LHFPL3: variants seen among roughly 807,000 people sequenced by gnomAD.
The protein encoded by LHFPL3 is LHFPL tetraspan subfamily member 3 protein.
Under a neutral mutation model 19.3 loss-of-function variants are expected in LHFPL3, and 5 were observed. The observed-to-expected ratio is 0.26, with a 90% confidence interval of 0.14 to 0.54. The LOEUF (loss-of-function observed/expected upper bound fraction) is 0.54. Among genes scored for constraint, LHFPL3 ranks in the 20% least tolerant of loss-of-function variants. The pLI is 0.94. For synonymous variants in LHFPL3, 133 were observed against 126.2 expected (o/e 1.05, Z -0.36); for missense variants, 249 against 307.4 (o/e 0.81, Z 1.42).
At chr7:104,552,265 A>C (rs1257154518) in intron 1 of LHFPL3, among the ~76,000 whole-genome samples, 2 of 152,220 alleles carry the variant, frequency 1.3e-5, no homozygotes, top group Non-Finnish European at 2.9e-5. Context: ...ACTGGTAGCA[A>C]GACCAACGCC....
intron 1 of LHFPL3, among the ~76,000 whole-genome samples, chr7:104,730,233 G>A (rs1285482881): frequency 6.6e-6 from 1 of 152,188 alleles, no homozygotes; most frequent in Non-Finnish European, 1.5e-5. Flanking sequence ...ATAGCAGCAT[G>A]ATTTATATTC....
intron 1 of LHFPL3, among the ~76,000 whole-genome samples, chr7:104,587,781 G>C (rs1216576695): frequency 6.6e-6 from 1 of 151,984 alleles, no homozygotes; most frequent in Non-Finnish European, 1.5e-5. Context: ...TCCAGCACCT[G>C]TTGTTTCCTG....
At chr7:104,758,418 C>T (rs1434781079) in intron 2 of LHFPL3, among the ~76,000 whole-genome samples, 1 of 151,958 alleles carries the variant, frequency 6.6e-6, no homozygotes, top group Non-Finnish European at 1.5e-5. Flanking sequence ...ACATGAAAAT[C>T]AATAAAACAT....
intron 1 of LHFPL3, among the ~76,000 whole-genome samples, chr7:104,412,093 C>A (rs188600906): frequency 6.7e-4 from 101 of 151,580 alleles, no homozygotes; most frequent in Non-Finnish European, 5.9e-4. Context: ...ACCAGCAAGT[C>A]ATTAATGTGG....
chr7:104,374,800 CTT>C (rs1301409624), intron 1 of LHFPL3, among the ~76,000 whole-genome samples: 1 of 152,068 alleles, frequency 6.6e-6, no homozygotes, highest in Non-Finnish European at 1.5e-5. Flanking sequence ...AGAGTGTAAG[CTT>C]TTTAGGGCAG....
intron 1 of LHFPL3, among the ~76,000 whole-genome samples, chr7:104,488,238 A>G (rs2115681731): frequency 6.6e-6 from 1 of 152,306 alleles, no homozygotes. Context: ...GGCAACACTT[A>G]CAAATATTTT....
intron 1 of LHFPL3, among the ~76,000 whole-genome samples, chr7:104,330,770 T>A (rs564045384): frequency 2.0e-5 from 3 of 152,232 alleles, no homozygotes; most frequent in South Asian, 4.2e-4. Flanking sequence ...TGTTTTTATA[T>A]ATAAAGTTAA....
At chr7:104,378,832 G>C (rs1228126259) in intron 1 of LHFPL3, among the ~76,000 whole-genome samples, 1 of 152,122 alleles carries the variant, frequency 6.6e-6, no homozygotes, top group Non-Finnish European at 1.5e-5. Flanking sequence ...TTTTGTAAGA[G>C]TTATGCATAA....
At chr7:104,509,457 T>C (rs1793767907) in intron 1 of LHFPL3, among the ~76,000 whole-genome samples, 1 of 151,926 alleles carries the variant, frequency 6.6e-6, no homozygotes, top group Admixed American at 6.6e-5. Context: ...TAATCCACCA[T>C]ATTCACAGGC....
intron 1 of LHFPL3, among the ~76,000 whole-genome samples, chr7:104,540,855 T>C (rs1794472573): frequency 6.6e-6 from 1 of 152,176 alleles, no homozygotes; most frequent in Non-Finnish European, 1.5e-5. Context: ...TTGATTATTC[T>C]ACTTCTGTCC....
chr7:104,607,502 T>C (rs138986055), intron 1 of LHFPL3, among the ~76,000 whole-genome samples: 134 of 152,310 alleles, frequency 8.8e-4, no homozygotes, highest in African/African-American at 3.1e-3. Context: ...AAGCCCCTTG[T>C]TTAATATTTC....
chr7:104,484,246 A>G (rs1406809304), intron 1 of LHFPL3, among the ~76,000 whole-genome samples: 1 of 152,158 alleles, frequency 6.6e-6, no homozygotes, highest in African/African-American at 2.4e-5. Context: ...CAAAAGATTA[A>G]GGGAAGCAGG....
intron 1 of LHFPL3, among the ~76,000 whole-genome samples, chr7:104,382,307 G>C (rs1311560492): frequency 1.3e-5 from 2 of 152,164 alleles, no homozygotes; most frequent in Admixed American, 1.3e-4. Flanking sequence ...GACCAACATG[G>C]AGAAACCCCG....
At chr7:104,608,676 G>T (rs994596603) in intron 1 of LHFPL3, among the ~76,000 whole-genome samples, 1 of 152,052 alleles carries the variant, frequency 6.6e-6, no homozygotes, top group Non-Finnish European at 1.5e-5. Flanking sequence ...AGAAAAAGGG[G>T]TGCCAAGCCT....
intron 1 of LHFPL3, among the ~76,000 whole-genome samples, chr7:104,355,467 A>G (rs565110189): frequency 6.6e-6 from 1 of 152,212 alleles, no homozygotes; most frequent in African/African-American, 2.4e-5. Flanking sequence ...CTACAGCCAG[A>G]GTAACTTGAA....
intron 2 of LHFPL3, among the ~76,000 whole-genome samples, chr7:104,769,696 G>A (rs1327499706): frequency 6.6e-6 from 1 of 151,254 alleles, no homozygotes; most frequent in Non-Finnish European, 1.5e-5. Context: ...ACTTATGAGT[G>A]AGAACATGCG....
At chr7:104,598,356 C>A (rs1288816632) in intron 1 of LHFPL3, among the ~76,000 whole-genome samples, 1 of 152,144 alleles carries the variant, frequency 6.6e-6, no homozygotes, top group Non-Finnish European at 1.5e-5. Context: ...GCTTTTAATG[C>A]AAATTTTAAA....
At chr7:104,352,616 A>G (rs1291405967) in intron 1 of LHFPL3, among the ~76,000 whole-genome samples, 2 of 152,212 alleles carry the variant, frequency 1.3e-5, no homozygotes, top group Non-Finnish European at 1.5e-5. Context: ...GCAAATTGGA[A>G]TTCCTGACTC....
chr7:104,611,565 A>C (rs1055543444), intron 1 of LHFPL3, among the ~76,000 whole-genome samples: 1 of 152,224 alleles, frequency 6.6e-6, no homozygotes, highest in Non-Finnish European at 1.5e-5. Context: ...TCAACTCAGA[A>C]AGTTGGCAGT....
Sources: allele counts gnomAD v4.1 joint callset (sites outside exome capture counted in the v4.1 genomes callset), GRCh38; gene constraint gnomAD v4.1.1; transcripts MANE v1.5; gene names NCBI Gene and HGNC (gene_info 2026-07-23, HGNC 2026-07-21).